Variants in CACNA2D3 observed in about 807,000 individuals in gnomAD.
CACNA2D3 encodes voltage-dependent calcium channel subunit alpha-2/delta-3.
A neutral mutation model predicts 160.6 loss-of-function variants in CACNA2D3; 60 were observed. That is an observed-to-expected ratio of 0.37 (90% CI 0.30 to 0.46). The LOEUF is 0.46. CACNA2D3 is among the 20% of genes least tolerant of loss of function. CACNA2D3 has a pLI of 1.00. For missense variants in CACNA2D3, 1,205 were observed against 1,365.0 expected, an observed-to-expected ratio of 0.88 and a Z score of 1.85; for synonymous variants, 558 against 492.9, an observed-to-expected ratio of 1.13 and a Z score of -1.75.
At chr3:54,177,554 C>A (rs552457838) in intron 2 of CACNA2D3, among the ~76,000 whole-genome samples, 1 of 152,322 alleles carries the variant, frequency 6.6e-6, no homozygotes, top group East Asian at 1.9e-4. Context: ...ATCCTGCCCC[C>A]ACACTTGCAT....
At chr3:54,622,302 G>C (rs1699004666) in intron 9 of CACNA2D3, among the ~76,000 whole-genome samples, 1 of 152,190 alleles carries the variant, frequency 6.6e-6, no homozygotes, top group African/African-American at 2.4e-5. Flanking sequence ...TTGAAATGGA[G>C]TCTCGCTCTT....
intron 2 of CACNA2D3, among the ~76,000 whole-genome samples, chr3:54,283,599 G>A (rs1278358327): frequency 2.0e-5 from 3 of 152,162 alleles, no homozygotes; most frequent in Non-Finnish European, 4.4e-5. Flanking sequence ...TGATATTCTG[G>A]GGATATGATT....
chr3:54,753,942 C>A (rs538725629), intron 12 of CACNA2D3, among the ~76,000 whole-genome samples: 1 of 152,164 alleles, frequency 6.6e-6, no homozygotes, highest in African/African-American at 2.4e-5. Flanking sequence ...TAACTATAGT[C>A]ACCATGTTAT....
chr3:54,284,871 A>G lies in CACNA2D3; in HGVS notation c.205-35571A>G, dbSNP rs76449470. On this transcript the variant is annotated intron_variant, in intron 2 of 37. Coordinates refer to ENST00000474759, the MANE Select transcript of CACNA2D3 (RefSeq NM_018398.3). ...GGAATGCTATAAAGCAATAACAATG[A>G]TGATGTCCAATGTATTTGACATTAA... Among the ~76,000 whole-genome samples, 591 of 152,354 alleles carry G rather than the reference A, an allele frequency of 3.9e-3. 15 individuals are homozygous for G. In the East Asian group the frequency reaches 0.063, roughly 16 times the overall value.
intron 4 of CACNA2D3, among the ~76,000 whole-genome samples, chr3:54,387,857 G>C (rs731507): frequency 0.22 from 32,712 of 152,064 alleles, 3,591 homozygotes; most frequent in Admixed American, 0.29. Flanking sequence ...AAATAGTGTT[G>C]ACTTTCCTAT....
intron 4 of CACNA2D3, among the ~76,000 whole-genome samples, chr3:54,413,141 G>T (rs925120371): frequency 2.0e-5 from 3 of 150,066 alleles, no homozygotes; most frequent in African/African-American, 7.3e-5. Context: ...CATTTTGGAA[G>T]GATAATTTTG....
intron 2 of CACNA2D3, among the ~76,000 whole-genome samples, chr3:54,253,686 T>C (rs1335796647): frequency 6.6e-6 from 1 of 152,204 alleles, no homozygotes; most frequent in Admixed American, 6.5e-5. Context: ...ATTTGTGAGC[T>C]TGTGTACCCA....
chr3:54,778,494 C>T (rs544047667), intron 13 of CACNA2D3, among the ~76,000 whole-genome samples: 4 of 152,218 alleles, frequency 2.6e-5, no homozygotes, highest in African/African-American at 9.6e-5. Flanking sequence ...TTCATCATCT[C>T]CTCTGACCTC....
At chr3:54,546,651 G>T (rs1225875334) in intron 5 of CACNA2D3, among the ~76,000 whole-genome samples, 4 of 151,734 alleles carry the variant, frequency 2.6e-5, no homozygotes, top group Admixed American at 2.0e-4. Context: ...ATCTTTTTTG[G>T]TTAACCAACC....
chr3:54,946,790 AC>A (rs1701625078), intron 27 of CACNA2D3, among the ~76,000 whole-genome samples: 1 of 151,122 alleles, frequency 6.6e-6, no homozygotes, highest in Non-Finnish European at 1.5e-5. Flanking sequence ...GGTAAGACAT[AC>A]AACTTTGGAA....
intron 11 of CACNA2D3, among the ~76,000 whole-genome samples, chr3:54,650,227 C>G (rs1433888551): frequency 1.6e-5 from 1 of 62,352 alleles, no homozygotes; most frequent in African/African-American, 4.2e-5. Context: ...GAGACGGAGT[C>G]TTGCTCTGTC....
intron 13 of CACNA2D3, among the ~76,000 whole-genome samples, chr3:54,769,222 G>A (rs1163653494): frequency 1.3e-5 from 2 of 152,020 alleles, no homozygotes; most frequent in Non-Finnish European, 2.9e-5. Context: ...AAGATCAAGG[G>A]GGAGATGAGC....
intron 27 of CACNA2D3, among the ~76,000 whole-genome samples, chr3:54,930,121 A>G (rs908323830): frequency 2.6e-5 from 4 of 152,218 alleles, no homozygotes; most frequent in African/African-American, 9.6e-5. Flanking sequence ...CTGCATTCCA[A>G]TAAAACTTTA....
intron 3 of CACNA2D3, among the ~76,000 whole-genome samples, chr3:54,378,045 G>GC (rs1263144323): frequency 6.6e-6 from 1 of 152,150 alleles, no homozygotes; most frequent in African/African-American, 2.4e-5. Flanking sequence ...TTCTGAGTAA[G>GC]CCCTGGAAAC....
intron 35 of CACNA2D3, among the ~76,000 whole-genome samples, chr3:55,027,648 C>T (rs1206626403): frequency 6.6e-6 from 1 of 152,176 alleles, no homozygotes; most frequent in East Asian, 1.9e-4. Context: ...AACTTCAGGT[C>T]AGGGGCAATG....
chr3:54,145,137 A>T (rs1559861408), intron 2 of CACNA2D3, among the ~76,000 whole-genome samples: 1 of 152,246 alleles, frequency 6.6e-6, no homozygotes, highest in Non-Finnish European at 1.5e-5. Context: ...GGGACAGAGC[A>T]AACTGTCTGT....
At chr3:54,318,300 G>C (rs1035698272) in intron 2 of CACNA2D3, among the ~76,000 whole-genome samples, 2 of 152,138 alleles carry the variant, frequency 1.3e-5, no homozygotes, top group African/African-American at 4.8e-5. Flanking sequence ...TGGGGAGAGA[G>C]AAAAGTCTAG....
chr3:54,617,171 T>C (rs1698871983), intron 9 of CACNA2D3, among the ~76,000 whole-genome samples: 1 of 152,166 alleles, frequency 6.6e-6, no homozygotes, highest in African/African-American at 2.4e-5. Context: ...TGGAAGTGCA[T>C]GTGTTTTGGC....
intron 13 of CACNA2D3, among the ~76,000 whole-genome samples, chr3:54,787,704 A>T (rs532090897): frequency 2.2e-4 from 33 of 152,316 alleles, no homozygotes; most frequent in African/African-American, 7.5e-4. Context: ...CATTGTGGGA[A>T]GGTAAATAGG....
Sources: allele counts gnomAD v4.1 joint callset (sites outside exome capture counted in the v4.1 genomes callset), GRCh38; gene constraint gnomAD v4.1.1; transcripts MANE v1.5; gene names NCBI Gene and HGNC (gene_info 2026-07-23, HGNC 2026-07-21).